The following CDH13 variants were observed in gnomAD, a reference collection of about 807,000 sequenced individuals.
CDH13 encodes cadherin 13.
In CDH13, 24 loss-of-function variants were observed where a neutral mutation model predicts 63.8. That is an observed-to-expected ratio of 0.38 (90% CI 0.27 to 0.53). CDH13 has a LOEUF of 0.53. CDH13 is among the 20% of genes least tolerant of loss of function. CDH13 has a pLI of 0.85. For synonymous variants in CDH13, 503 were observed against 355.3 expected (o/e 1.42, Z -4.67); for missense variants, 1,049 against 903.1 (o/e 1.16, Z -2.07).
At chr16:83,298,143 T>TGAGGC (rs2089647644) in intron 5 of CDH13, among the ~76,000 whole-genome samples, 2 of 151,496 alleles carry the variant, frequency 1.3e-5, no homozygotes, top group South Asian at 2.1e-4. Context: ...CTCAGGAGGC[T>TGAGGC]GAGGCGGGAG....
At chr16:83,395,313 CA>C (rs34408360) in intron 6 of CDH13, among the ~76,000 whole-genome samples, 175 of 132,812 alleles carry the variant, frequency 1.3e-3, no homozygotes, top group South Asian at 2.4e-3. Context: ...GACTCTGTCT[CA>C]AAAAAAAAAA....
chr16:83,069,079 G>C (rs2032244570), intron 3 of CDH13, among the ~76,000 whole-genome samples: 1 of 152,094 alleles, frequency 6.6e-6, no homozygotes, highest in Non-Finnish European at 1.5e-5. Context: ...AATCCCAAAG[G>C]CATGTCTTTC....
intron 2 of CDH13, among the ~76,000 whole-genome samples, chr16:82,887,603 G>A (rs12446335): frequency 1.3e-4 from 20 of 152,170 alleles, no homozygotes; most frequent in Middle Eastern, 6.8e-3. Flanking sequence ...GGCAGATCAC[G>A]TGAGGTCAGG....
intron 8 of CDH13, among the ~76,000 whole-genome samples, chr16:83,667,999 T>C (rs559688192): frequency 8.5e-5 from 13 of 152,228 alleles, no homozygotes; most frequent in African/African-American, 3.1e-4. Context: ...TACTCTATTA[T>C]GATAGGAGGG....
chr16:82,867,831 A>G (rs927105744), intron 2 of CDH13, among the ~76,000 whole-genome samples: 1 of 152,198 alleles, frequency 6.6e-6, no homozygotes, highest in Non-Finnish European at 1.5e-5. Context: ...TAAATGGATG[A>G]ACTTTGCAGC....
intron 6 of CDH13, among the ~76,000 whole-genome samples, chr16:83,389,586 C>G (rs112820018): frequency 6.6e-6 from 1 of 152,220 alleles, no homozygotes; most frequent in Admixed American, 6.5e-5. Context: ...TATTGATGGA[C>G]TGGACCATTT....
At chr16:83,731,640 C>T (rs1911053585) in intron 10 of CDH13, among the ~76,000 whole-genome samples, 2 of 152,072 alleles carry the variant, frequency 1.3e-5, no homozygotes, top group Non-Finnish European at 2.9e-5. Context: ...AGTTTCTTTG[C>T]CAATTTTTGT....
chr16:82,651,136 G>A (rs1236672948), intron 1 of CDH13, among the ~76,000 whole-genome samples: 1 of 152,144 alleles, frequency 6.6e-6, no homozygotes, highest in African/African-American at 2.4e-5. Flanking sequence ...ATTTTAGTGG[G>A]TGGCAAGACT....
intron 3 of CDH13, among the ~76,000 whole-genome samples, chr16:83,078,119 G>A (rs7193131): frequency 0.48 from 72,685 of 152,044 alleles, 17,418 homozygotes; most frequent in East Asian, 0.52. Flanking sequence ...CTGCTCACGC[G>A]TGCATGGTTC....
At chr16:83,595,776 C>T (rs781279922) in intron 7 of CDH13, among the ~76,000 whole-genome samples, 7 of 152,174 alleles carry the variant, frequency 4.6e-5, no homozygotes, top group Non-Finnish European at 1.0e-4. Flanking sequence ...TAGCCCTATG[C>T]CCCTGGAACC....
chr16:82,785,175 CATAAG>C (rs1381510951), intron 1 of CDH13, among the ~76,000 whole-genome samples: 2 of 152,004 alleles, frequency 1.3e-5, no homozygotes, highest in Non-Finnish European at 2.9e-5. Flanking sequence ...AACGGAGAGA[CATAAG>C]ATAGATTGTT....
At chr16:83,738,774 C>T (rs1444428529) in intron 10 of CDH13, among the ~76,000 whole-genome samples, 1 of 152,150 alleles carries the variant, frequency 6.6e-6, no homozygotes, top group Non-Finnish European at 1.5e-5. Flanking sequence ...GGCATGGTTG[C>T]ACATGCCTGT....
intron 1 of CDH13, among the ~76,000 whole-genome samples, chr16:82,761,445 A>G (rs1358606346): frequency 1.3e-5 from 2 of 152,184 alleles, no homozygotes; most frequent in Admixed American, 1.3e-4. Context: ...CAGCCAGCCA[A>G]CTTCTGATGT....
intron 1 of CDH13, among the ~76,000 whole-genome samples, chr16:82,710,532 C>CAAAA (rs71913517): frequency 9.7e-4 from 54 of 55,874 alleles, no homozygotes; most frequent in Admixed American, 2.0e-3. Flanking sequence ...GACTCTGTCT[C>CAAAA]AAAAAAAAAA....
At chr16:83,384,149 A>G (rs1178074660) in intron 6 of CDH13, among the ~76,000 whole-genome samples, 2 of 152,196 alleles carry the variant, frequency 1.3e-5, no homozygotes, top group African/African-American at 4.8e-5. Flanking sequence ...CTAATATCTA[A>G]GGGTTTTTCT....
At chr16:83,669,885 A>G (rs1199406966) in intron 8 of CDH13, among the ~76,000 whole-genome samples, 4 of 152,250 alleles carry the variant, frequency 2.6e-5, no homozygotes, top group Non-Finnish European at 4.4e-5. Flanking sequence ...ACACATTACT[A>G]TTCACCTGTA....
At chr16:83,096,316 G>A (rs1221323314) in intron 3 of CDH13, among the ~76,000 whole-genome samples, 1 of 152,142 alleles carries the variant, frequency 6.6e-6, no homozygotes, top group Non-Finnish European at 1.5e-5. Context: ...AACCAAATAG[G>A]AATATATCAG....
chr16:83,469,642 G>T (rs1000080346), intron 6 of CDH13, among the ~76,000 whole-genome samples: 1 of 152,124 alleles, frequency 6.6e-6, no homozygotes, highest in Non-Finnish European at 1.5e-5. Context: ...CTGTCTCCCA[G>T]CAAAATGTGG....
chr16:82,889,557 A>G lies in CDH13; in HGVS notation c.157+31084A>G, dbSNP rs141155192. On this transcript the variant is annotated intron_variant, in intron 2 of 13. Coordinates refer to ENST00000567109, the MANE Select transcript of CDH13 (RefSeq NM_001257.5). ...GATCTTATTAACAGCCAAAGCAAAG[A>G]GTACAATTTTTCCATGTATCTGGTT... is the stretch of plus-strand genomic sequence containing the variant. Among the ~76,000 whole-genome samples, 40 of 152,356 alleles carry G rather than the reference A, an allele frequency of 2.6e-4. No homozygotes were observed. The East Asian group carries it at 6.2e-3, about 24-fold the overall frequency.
Sources: gnomAD v4.1 joint callset for allele counts (sites outside exome capture counted in the v4.1 genomes callset) on GRCh38, gnomAD v4.1.1 for gene constraint, MANE v1.5 for transcripts, NCBI Gene and HGNC (gene_info 2026-07-23, HGNC 2026-07-21) for gene names.